RHOBTB1: variants seen among roughly 807,000 people sequenced by gnomAD.
The protein encoded by RHOBTB1 is rho-related BTB domain-containing protein 1.
A neutral mutation model predicts 71.6 loss-of-function variants in RHOBTB1; 40 were observed. The ratio of observed to expected loss-of-function variants is 0.56; its 90% CI spans 0.43 to 0.73. RHOBTB1 has a LOEUF of 0.73. RHOBTB1 is among the 30% of genes least tolerant of loss of function. RHOBTB1 has a pLI of 0.00. For missense variants in RHOBTB1, 797 were observed against 894.0 expected, an observed-to-expected ratio of 0.89 and a Z score of 1.38; for synonymous variants, 319 against 334.9, an observed-to-expected ratio of 0.95 and a Z score of 0.52.
chr10:60,888,011 G>A (rs1441420823), intron 6 of RHOBTB1, among the ~76,000 whole-genome samples: 1 of 152,124 alleles, frequency 6.6e-6, no homozygotes, highest in African/African-American at 2.4e-5. Flanking sequence ...TTCTCCACCT[G>A]CAAAATGGAG....
At position 60,893,011 on chromosome 10, in the gene RHOBTB1, A is replaced by G. The variant is rs747494660; in HGVS notation, c.297-16T>C. The G allele has an allele frequency of 1.2e-6, 2 of 1,600,880 alleles. No individual in the cohort carries two copies. Among genetic ancestry groups the G allele is most frequent in the African/African-American group, 1.3e-5 (1 of 74,168 alleles). On this transcript the variant is annotated splice_polypyrimidine_tract_variant and intron_variant, in intron 4 of 10. Coordinates refer to ENST00000337910, the MANE Select transcript of RHOBTB1 (RefSeq NM_014836.5). ...AACATCAGACCTAAAAGGAAATCAT[A>G]AAAGAAGCTTGTATTGCCTTTTAAC...
chr10:60,937,891 C>T (rs1380765556), intron 2 of RHOBTB1, among the ~76,000 whole-genome samples: 1 of 152,164 alleles, frequency 6.6e-6, no homozygotes. Context: ...TTACTGAGCA[C>T]CTACTATGTG....
intron 1 of RHOBTB1, among the ~76,000 whole-genome samples, chr10:60,994,606 T>TTTTTAAAAAA (rs2086982253): frequency 2.6e-5 from 4 of 152,142 alleles, no homozygotes; most frequent in Non-Finnish European, 4.4e-5. Flanking sequence ...GATTTTCTAA[T>TTTTTAAAAAA]GTGAGGGAAA....
At chr10:60,914,788 G>A (rs1398255194) in intron 2 of RHOBTB1, among the ~76,000 whole-genome samples, 1 of 152,216 alleles carries the variant, frequency 6.6e-6, no homozygotes, top group African/African-American at 2.4e-5. Context: ...CACATTTCAT[G>A]AGTAGTCCTA....
chr10:60,896,646 G>A (rs1240406358), intron 4 of RHOBTB1, among the ~76,000 whole-genome samples: 3 of 152,170 alleles, frequency 2.0e-5, no homozygotes, highest in African/African-American at 7.2e-5. Flanking sequence ...AATTACAAAG[G>A]ACTTAAGGAT....
rs1006506287 is a variant in RHOBTB1 at position 60,933,786 on chromosome 10, T to TA, written c.-11+8017dup. Among the ~76,000 whole-genome samples, 562 of 151,492 alleles carry TA rather than the reference T, an allele frequency of 3.7e-3. 2 individuals are homozygous for TA. The highest frequency in any genetic ancestry group is 0.013 in the African/African-American group (519 of 41,314). Reference sequence around the variant, plus strand: ...AGAAGTCCAAACACAGGAGATGGATTAAAAAAAAACTAATATATGTCCATC... The same window carrying TA: ...AGAAGTCCAAACACAGGAGATGGATTAAAAAAAAAACTAATATATGTCCATC... On this transcript the variant is annotated intron_variant, in intron 2 of 10. Coordinates refer to ENST00000337910, the MANE Select transcript of RHOBTB1 (RefSeq NM_014836.5).
intron 1 of RHOBTB1, among the ~76,000 whole-genome samples, chr10:60,943,606 C>T (rs2085044195): frequency 6.6e-6 from 1 of 152,204 alleles, no homozygotes; most frequent in Admixed American, 6.5e-5. Flanking sequence ...GCCCGGCCTC[C>T]CCATACTGGC....
chr10:60,972,114 T>C (rs2086177899), intron 2 of RHOBTB1, among the ~76,000 whole-genome samples: 1 of 152,146 alleles, frequency 6.6e-6, no homozygotes, highest in African/African-American at 2.4e-5. Flanking sequence ...GTTCAACCAT[T>C]GTGGAAGACA....
intron 4 of RHOBTB1, among the ~76,000 whole-genome samples, chr10:60,904,258 T>G (rs1320030085): frequency 6.6e-6 from 1 of 152,220 alleles, no homozygotes; most frequent in African/African-American, 2.4e-5. Flanking sequence ...ATTTCTCGTC[T>G]TAAAGAATTT....
intron 2 of RHOBTB1, among the ~76,000 whole-genome samples, chr10:60,979,897 C>T (rs2086436281): frequency 6.6e-6 from 1 of 152,046 alleles, no homozygotes; most frequent in Admixed American, 6.6e-5. Context: ...GTGTCCCAGA[C>T]AGACTAAACA....
intron 2 of RHOBTB1, among the ~76,000 whole-genome samples, chr10:60,970,866 T>C (rs1450998386): frequency 1.3e-5 from 2 of 152,092 alleles, no homozygotes; most frequent in Non-Finnish European, 2.9e-5. Flanking sequence ...ATCAACTGAA[T>C]GCTAAACAAC....
At chr10:60,921,532 T>G (rs965891109) in intron 2 of RHOBTB1, among the ~76,000 whole-genome samples, 1 of 152,266 alleles carries the variant, frequency 6.6e-6, no homozygotes, top group African/African-American at 2.4e-5. Flanking sequence ...TATGTTTATA[T>G]GCATTCCACT....
intron 1 of RHOBTB1, among the ~76,000 whole-genome samples, chr10:60,994,948 G>C (rs2086997462): frequency 6.7e-6 from 1 of 148,212 alleles, no homozygotes; most frequent in South Asian, 2.1e-4. Flanking sequence ...ACAAAAAACA[G>C]AGCACATAAT....
chr10:60,871,113 A>T lies in RHOBTB1; in HGVS notation c.*369T>A, dbSNP rs2080758091. On this transcript the variant is annotated 3_prime_UTR_variant, in exon 11 of 11. Transcript: ENST00000337910. ...TAATACACAGTATTTTCATTTCAACAAAATACAACAGACCATATAAAAATA... is the reference window on the plus strand; with the variant it reads ...TAATACACAGTATTTTCATTTCAACTAAATACAACAGACCATATAAAAATA... 1.2e-5 allele frequency: 2 copies of T among 173,206 alleles called. No individual in the cohort carries two copies. The highest frequency in any genetic ancestry group is 1.2e-4 in the Admixed American group (2 of 16,276). 10.7% of individuals were successfully genotyped at this position (173,206 alleles called of 1,614,324 possible).
chr10:60,911,371 G>A lies in RHOBTB1; in HGVS notation c.172C>T (p.Gln58Ter), dbSNP rs754238544. 1.9e-6 allele frequency: 3 copies of A among 1,613,586 alleles called. No individual in the cohort carries two copies. The East Asian group carries it at 6.7e-5, about 36-fold the overall frequency. ...THVPTVWAID[Q>*]YRVCQEVLER... ...CTTACCTCCTGGCACACGCGGTACT[G>A]GTCAATCGCCCACACTGTTGGCACG... Residue 58 changes from glutamine (Q) to a stop codon, truncating the protein, a stop_gained, in exon 3 of 11, where the codon CAG becomes TAG. Coordinates refer to ENST00000337910, the MANE Select transcript of RHOBTB1 (RefSeq NM_014836.5). LOFTEE classifies it high-confidence loss of function.
intron 2 of RHOBTB1, among the ~76,000 whole-genome samples, chr10:60,975,196 G>A (rs528907737): frequency 6.6e-6 from 1 of 152,132 alleles, no homozygotes; most frequent in African/African-American, 2.4e-5. Flanking sequence ...CATAATCAAT[G>A]AACTGGTTAC....
At chr10:60,983,682 G>A (rs1266717235) in intron 2 of RHOBTB1, among the ~76,000 whole-genome samples, 1 of 152,154 alleles carries the variant, frequency 6.6e-6, no homozygotes, top group African/African-American at 2.4e-5. Flanking sequence ...ACTGAAATAG[G>A]TGAGCATGTA....
chr10:60,952,409 C>A (rs2085443752), intron 2 of RHOBTB1, among the ~76,000 whole-genome samples: 1 of 152,086 alleles, frequency 6.6e-6, no homozygotes, highest in Non-Finnish European at 1.5e-5. Flanking sequence ...TAGTAAGTAC[C>A]CACTATGTGT....
rs181756842 is a variant in RHOBTB1 at position 60,885,306 on chromosome 10, T to C, written c.1575+806A>G. Among the ~76,000 whole-genome samples the C allele has an allele frequency of 3.0e-3, 452 of 152,296 alleles. 2 individuals carry two copies. Among genetic ancestry groups the C allele is most frequent in the African/African-American group, 1.0e-2 (415 of 41,556 alleles). On this transcript the variant is annotated intron_variant, in intron 7 of 10. Transcript: ENST00000337910. ...CATAACTATGTATAATAATTATTATTTGTCAGTTAAAAGTAAAACAACAAG... is the reference window on the plus strand; with the variant it reads ...CATAACTATGTATAATAATTATTATCTGTCAGTTAAAAGTAAAACAACAAG...
Sources: gnomAD v4.1 joint callset for allele counts (sites outside exome capture counted in the v4.1 genomes callset) on GRCh38, gnomAD v4.1.1 for gene constraint, MANE v1.5 for transcripts, NCBI Gene and HGNC (gene_info 2026-07-23, HGNC 2026-07-21) for gene names.